ANXA10: variants seen among roughly 807,000 people sequenced by gnomAD.
ANXA10 encodes annexin A10.
ANXA10 carries 49 observed loss-of-function variants against 53.5 expected under a neutral mutation model. That is an observed-to-expected ratio of 0.92 (90% CI 0.73 to 1.16). The LOEUF (loss-of-function observed/expected upper bound fraction) is 1.16. Ranked by LOEUF, ANXA10 falls within the 50% of genes most tolerant of loss-of-function variation. ANXA10 has a pLI of 0.00. For missense variants in ANXA10, 393 were observed against 394.4 expected (o/e 1.00, Z 0.03); for synonymous variants, 131 against 128.9 (o/e 1.02, Z -0.11).
intron 6 of ANXA10, among the ~76,000 whole-genome samples, chr4:168,175,854 G>T (rs1328885973): frequency 2.0e-5 from 3 of 152,134 alleles, no homozygotes; most frequent in South Asian, 2.1e-4. Flanking sequence ...ATGCAAAAAT[G>T]GTAGCTTACT....
At chr4:168,165,114 A>C (rs1161332556) in intron 5 of ANXA10, 133 bp from the exon 6 acceptor site, 3 of 449,276 alleles carry the variant, frequency 6.7e-6, no homozygotes, top group Non-Finnish European at 1.2e-5. Flanking sequence ...GTTTATTGAC[A>C]AAGAAATGTC....
intron 3 of ANXA10, among the ~76,000 whole-genome samples, chr4:168,147,089 C>T (rs1247452406): frequency 6.6e-6 from 1 of 152,166 alleles, no homozygotes; most frequent in African/African-American, 2.4e-5. Flanking sequence ...CAAAAGTTTC[C>T]CCCAGTGGAA....
At chr4:168,168,063 G>C (rs190529383) in intron 6 of ANXA10, among the ~76,000 whole-genome samples, 5 of 152,254 alleles carry the variant, frequency 3.3e-5, no homozygotes, top group Admixed American at 2.6e-4. Flanking sequence ...TGTAATAGAT[G>C]ACTAAAAGCA....
At chr4:168,184,193 T>C (rs1468636889) in intron 10 of ANXA10, among the ~76,000 whole-genome samples, 1 of 152,206 alleles carries the variant, frequency 6.6e-6, no homozygotes, top group Non-Finnish European at 1.5e-5. Context: ...GGATCAGATT[T>C]GCAGTTTATA....
chr4:168,101,216 G>C (rs1451874888), intron 1 of ANXA10, among the ~76,000 whole-genome samples: 2 of 151,990 alleles, frequency 1.3e-5, no homozygotes, highest in Non-Finnish European at 1.5e-5. Flanking sequence ...TTCACTGGCT[G>C]TATGATGTGC....
At chr4:168,148,853 G>A (rs1408890505) in intron 3 of ANXA10, among the ~76,000 whole-genome samples, 2 of 151,474 alleles carry the variant, frequency 1.3e-5, no homozygotes, top group African/African-American at 4.9e-5. Context: ...CTTTCCCTGA[G>A]AATATTTTTA....
intron 1 of ANXA10, among the ~76,000 whole-genome samples, chr4:168,112,866 C>T (rs1218751539): frequency 1.3e-5 from 2 of 151,754 alleles, no homozygotes; most frequent in East Asian, 3.9e-4. Flanking sequence ...ACTAAAAATA[C>T]AAAAAAATTA....
intron 6 of ANXA10, among the ~76,000 whole-genome samples, chr4:168,173,670 A>T (rs1560790685): frequency 6.6e-6 from 1 of 152,196 alleles, no homozygotes; most frequent in Non-Finnish European, 1.5e-5. Flanking sequence ...GCAGACAGGG[A>T]TGGTAAAACC....
At chr4:168,137,051 T>C (rs1388170079) in intron 2 of ANXA10, among the ~76,000 whole-genome samples, 2 of 152,172 alleles carry the variant, frequency 1.3e-5, no homozygotes, top group Non-Finnish European at 2.9e-5. Flanking sequence ...TCTGGGGTCC[T>C]TTTAGCCAAG....
intron 2 of ANXA10, among the ~76,000 whole-genome samples, chr4:168,137,775 A>T (rs991422220): frequency 1.3e-5 from 2 of 152,080 alleles, no homozygotes; most frequent in African/African-American, 2.4e-5. Flanking sequence ...TTATATAATG[A>T]TTACTTTCCC....
chr4:168,093,606 G>A (rs2149462627), intron 1 of ANXA10, among the ~76,000 whole-genome samples: 1 of 152,266 alleles, frequency 6.6e-6, no homozygotes, highest in East Asian at 1.9e-4. Context: ...GAACCCGGGA[G>A]GCGGAGCTTG....
Position 168,187,543 on chromosome 4 carries a change from C to A in ANXA10, c.*109C>A. ...GGCACTATTAACAAAACTATACAAT[C>A]ATATTTTCTCTTCTATCTTTGAAAT... On this transcript the variant is annotated 3_prime_UTR_variant, in exon 12 of 12. Coordinates refer to ENST00000359299, the MANE Select transcript of ANXA10 (RefSeq NM_007193.5). 1 of 585,010 alleles carries A rather than the reference C, an allele frequency of 1.7e-6. No individual in the cohort carries two copies. Among genetic ancestry groups the A allele is most frequent in the Non-Finnish European group, 2.8e-6 (1 of 357,248 alleles). The allele number at this position is 585,010 out of a possible 1,614,324, so 36.2% of individuals were successfully genotyped here.
intron 3 of ANXA10, among the ~76,000 whole-genome samples, chr4:168,156,184 T>TATATATTATATA (rs1731664188): frequency 1.6e-4 from 2 of 12,532 alleles, no homozygotes; most frequent in African/African-American, 6.9e-4. Flanking sequence ...TATTATATAT[T>TATATATTATATA]ATATATTATA....
At chr4:168,104,284 G>C (rs1021981810) in intron 1 of ANXA10, among the ~76,000 whole-genome samples, 1 of 151,690 alleles carries the variant, frequency 6.6e-6, no homozygotes, top group Non-Finnish European at 1.5e-5. Flanking sequence ...TTATATATTA[G>C]TACATTGAAT....
intron 1 of ANXA10, among the ~76,000 whole-genome samples, chr4:168,104,115 A>G (rs1410809955): frequency 6.6e-6 from 1 of 151,948 alleles, no homozygotes; most frequent in Admixed American, 6.6e-5. Flanking sequence ...AATAGATGCT[A>G]TACTTGTCAA....
At chr4:168,111,648 A>G (rs1274632219) in intron 1 of ANXA10, among the ~76,000 whole-genome samples, 2 of 152,086 alleles carry the variant, frequency 1.3e-5, no homozygotes, top group African/African-American at 4.8e-5. Context: ...TGCCTGATAC[A>G]CTCGTGTTAA....
Position 168,187,667 on chromosome 4 carries a change from G to C in ANXA10, c.*233G>C. On this transcript the variant is annotated 3_prime_UTR_variant, in exon 12 of 12. Transcript: ENST00000359299. Reference sequence around the variant, plus strand: ...TATCTAATCAGCAATTAAATAAATTGTGCATGATGGAATAATAGAAAAATT... The same window carrying C: ...TATCTAATCAGCAATTAAATAAATTCTGCATGATGGAATAATAGAAAAATT... The C allele has an allele frequency of 6.2e-6, 2 of 325,112 alleles. No individual in the cohort carries two copies. Among genetic ancestry groups the C allele is most frequent in the East Asian group, 1.0e-4 (2 of 19,942 alleles). 20.1% of individuals were successfully genotyped at this position (325,112 alleles called of 1,614,324 possible).
At chr4:168,156,374 A>G (rs1478915493) in intron 3 of ANXA10, among the ~76,000 whole-genome samples, 2 of 15,338 alleles carry the variant, frequency 1.3e-4, no homozygotes, top group Non-Finnish European at 3.0e-4. Context: ...TAGTATATAT[A>G]ATATAATTAA....
rs549751159 is a variant in ANXA10, at chr4:168,156,303, TATA to T, written c.196-6221_196-6219del. 6.2e-3 allele frequency among the ~76,000 whole-genome samples: 411 copies of T among 66,192 alleles called. 3 individuals are homozygous for T. Among genetic ancestry groups the T allele is most frequent in the Admixed American group, 8.5e-3 (29 of 3,400 alleles). The allele number at this position is 66,192 out of a possible 152,430, so 43.4% of individuals were successfully genotyped here. ...ATAGTATATATTATATTATATTATA[TATA>T]ATAGTATATATAATATATAATATAT... On this transcript the variant is annotated intron_variant, in intron 3 of 11. Coordinates refer to ENST00000359299, the MANE Select transcript of ANXA10 (RefSeq NM_007193.5).
Sources: allele counts gnomAD v4.1 joint callset (sites outside exome capture counted in the v4.1 genomes callset), GRCh38; gene constraint gnomAD v4.1.1; transcripts MANE v1.5; gene names NCBI Gene and HGNC (gene_info 2026-07-23, HGNC 2026-07-21).